The following ATAD2 variants were observed in gnomAD, a reference collection of about 807,000 sequenced individuals.
ATAD2 encodes ATPase family AAA domain containing 2.
A neutral mutation model predicts 168.9 loss-of-function variants in ATAD2; 62 were observed. The ratio of observed to expected loss-of-function variants is 0.37; its 90% CI spans 0.30 to 0.45. ATAD2 has a LOEUF of 0.45. Among genes scored for constraint, ATAD2 ranks in the 20% least tolerant of loss-of-function variants. The probability of loss-of-function intolerance (pLI) is 1.00; values close to 1 mark genes in which losing one functional copy is unlikely to be tolerated. For synonymous variants in ATAD2, 613 were observed against 571.6 expected (o/e 1.07, Z -1.03); for missense variants, 1,419 against 1,667.8 (o/e 0.85, Z 2.60).
At chr8:123,361,169 G>A (rs1401737529) in intron 9 of ATAD2, among the ~76,000 whole-genome samples, 1 of 151,546 alleles carries the variant, frequency 6.6e-6, no homozygotes, top group African/African-American at 2.4e-5. Context: ...CTACAAAAAT[G>A]AGCCAGGTGT....
intron 18 of ATAD2, among the ~76,000 whole-genome samples, chr8:123,345,453 G>A (rs781487447): frequency 3.6e-4 from 54 of 151,012 alleles, no homozygotes; most frequent in Non-Finnish European, 7.2e-4. Context: ...CCTGAGCCCA[G>A]GAGTTTGAGA....
Position 123,362,063 on chromosome 8 carries a change from C to A in ATAD2, c.1050-417G>T, listed in dbSNP as rs78968835. ...GGATCACTTGACAGGTGTTCAAGCA[C>A]AACGTAGCGGGACATTGTCTCCACT... is the stretch of plus-strand genomic sequence containing the variant. On this transcript the variant is annotated intron_variant, in intron 8 of 27. Transcript: ENST00000287394. Among the ~76,000 whole-genome samples the A allele has an allele frequency of 6.1e-3, 936 of 152,246 alleles. 3 individuals are homozygous for A. The highest frequency in any genetic ancestry group is 0.022 in the African/African-American group (909 of 41,540).
chr8:123,337,977 A>G (rs1827963893), intron 20 of ATAD2, among the ~76,000 whole-genome samples, 156 bp from the exon 21 acceptor site: 1 of 152,242 alleles, frequency 6.6e-6, no homozygotes, highest in African/African-American at 2.4e-5. Context: ...CATAATCTCT[A>G]ACCCTACGTC....
intron 1 of ATAD2, among the ~76,000 whole-genome samples, chr8:123,412,021 G>T (rs1813166534): frequency 6.6e-6 from 1 of 152,212 alleles, no homozygotes; most frequent in African/African-American, 2.4e-5. Flanking sequence ...GCAGAGTGAT[G>T]TGCATAACCT....
chr8:123,375,125 C>G (rs1829267587), intron 2 of ATAD2, among the ~76,000 whole-genome samples: 1 of 152,104 alleles, frequency 6.6e-6, no homozygotes, highest in African/African-American at 2.4e-5. Context: ...ACTGTAGGCT[C>G]TTTTATATAA....
At chr8:123,365,285 CAAAT>C (rs1343689054) in intron 8 of ATAD2, among the ~76,000 whole-genome samples, 1 of 152,118 alleles carries the variant, frequency 6.6e-6, no homozygotes, top group Non-Finnish European at 1.5e-5. Flanking sequence ...ACAGATGACA[CAAAT>C]AAATGGAAGC....
chr8:123,322,911 G>T (rs1827511052), intron 27 of ATAD2, 27 bp downstream of exon 27: 53 of 1,604,956 alleles, frequency 3.3e-5, no homozygotes, highest in Non-Finnish European at 4.4e-5. Context: ...AAGAGCATTT[G>T]TAAAAAGTTT....
At chr8:123,401,514 GAT>G (rs1812999840) in intron 1 of ATAD2, 1 of 1,566,598 alleles carries the variant, frequency 6.4e-7, no homozygotes, top group East Asian at 2.3e-5. Flanking sequence ...GAACCTGATT[GAT>G]GCTGGTGTGG....
In ATAD2 at chr8:123,394,787, C is replaced by G. The variant is rs909856454; in HGVS notation, c.171+1400G>C. Reference sequence around the variant, plus strand: ...CACAGGTTAAGTCAAGTAACCAATTCCAGTGCAGAAGTGTTTGGCCTCTCC... The same window carrying G: ...CACAGGTTAAGTCAAGTAACCAATTGCAGTGCAGAAGTGTTTGGCCTCTCC... On this transcript the variant is annotated intron_variant, in intron 1 of 27. Transcript: ENST00000287394. 2.0e-5 allele frequency among the ~76,000 whole-genome samples: 3 copies of G among 152,168 alleles called. No individual in the cohort carries two copies. The East Asian group carries it at 5.8e-4, about 29-fold the overall frequency.
At chr8:123,377,331 T>C (rs1456246921) in intron 2 of ATAD2, among the ~76,000 whole-genome samples, 1 of 151,982 alleles carries the variant, frequency 6.6e-6, no homozygotes, top group Non-Finnish European at 1.5e-5. Flanking sequence ...AATAATCTAA[T>C]TAAAAATACC....
At chr8:123,354,274 T>C (rs1166423525) in intron 13 of ATAD2, among the ~76,000 whole-genome samples, 1 of 152,248 alleles carries the variant, frequency 6.6e-6, no homozygotes, top group Non-Finnish European at 1.5e-5. Flanking sequence ...TAAAATTAAG[T>C]GCAGAATACA....
At chr8:123,355,158 A>T (rs890871004) in intron 13 of ATAD2, among the ~76,000 whole-genome samples, 7 of 152,026 alleles carry the variant, frequency 4.6e-5, no homozygotes, top group Non-Finnish European at 1.0e-4. Context: ...ATATATTTTA[A>T]TTTACTCACA....
At chr8:123,375,061 G>A (rs971776224) in intron 2 of ATAD2, among the ~76,000 whole-genome samples, 22 of 152,212 alleles carry the variant, frequency 1.4e-4, no homozygotes, top group Admixed American at 6.5e-5. Flanking sequence ...AGTCAGGCAT[G>A]CTGACAACAG....
Position 123,336,367 on chromosome 8 carries a change from G to A in ATAD2, c.3211+6C>T, listed in dbSNP as rs2131298843. On this transcript the variant is annotated splice_donor_region_variant and intron_variant, in intron 22 of 27. Transcript: ENST00000287394. The stretch of plus-strand genomic sequence containing the variant: ...ACCCCCTGAAAAAAAATTCACTAAT[G>A]CTCACCTCCAGGATCTCTATCTGGA... 6.4e-7 allele frequency: 1 copy of A among 1,568,958 alleles called. No homozygotes were observed. Among genetic ancestry groups the A allele is most frequent in the Non-Finnish European group, 8.6e-7 (1 of 1,166,340 alleles).
chr8:123,343,773 C>G (rs894781571), intron 19 of ATAD2, among the ~76,000 whole-genome samples: 1 of 151,894 alleles, frequency 6.6e-6, no homozygotes, highest in Admixed American at 6.6e-5. Flanking sequence ...GGAGGCAATA[C>G]AAATAAAGCA....
At chr8:123,414,709 T>C (rs1813214422) in intron 1 of ATAD2, among the ~76,000 whole-genome samples, 1 of 152,202 alleles carries the variant, frequency 6.6e-6, no homozygotes, top group Non-Finnish European at 1.5e-5. Flanking sequence ...GTATAGAAGG[T>C]AGGGTTAGGG....
At chr8:123,343,677 C>T (rs1318621093) in intron 19 of ATAD2, among the ~76,000 whole-genome samples, 1 of 152,066 alleles carries the variant, frequency 6.6e-6, no homozygotes, top group South Asian at 2.1e-4. Flanking sequence ...TCTATGGACA[C>T]AAAGGTGACA....
At chr8:123,393,326 C>T (rs1812681271) in intron 1 of ATAD2, among the ~76,000 whole-genome samples, 1 of 151,964 alleles carries the variant, frequency 6.6e-6, no homozygotes, top group African/African-American at 2.4e-5. Flanking sequence ...GCCTGAGCAA[C>T]ATAGTGAGAC....
chr8:123,341,059 C>T (rs1828047592), intron 19 of ATAD2, among the ~76,000 whole-genome samples: 1 of 151,956 alleles, frequency 6.6e-6, no homozygotes, highest in Non-Finnish European at 1.5e-5. Context: ...TCTCCCACTT[C>T]AGCCTCCCGA....
Sources: gnomAD v4.1 joint callset for allele counts (sites outside exome capture counted in the v4.1 genomes callset) on GRCh38, gnomAD v4.1.1 for gene constraint, MANE v1.5 for transcripts, NCBI Gene and HGNC (gene_info 2026-07-23, HGNC 2026-07-21) for gene names.